SPAG16: variants seen among roughly 807,000 people sequenced by gnomAD.
The protein encoded by SPAG16 is sperm-associated antigen 16 protein.
Under a neutral mutation model 80.4 loss-of-function variants are expected in SPAG16, and 86 were observed. The ratio of observed to expected loss-of-function variants is 1.07; its 90% CI spans 0.90 to 1.28. The LOEUF (loss-of-function observed/expected upper bound fraction) is 1.28. Ranked by LOEUF, SPAG16 falls within the 50% of genes most tolerant of loss-of-function variation. The pLI is 0.00. For synonymous variants in SPAG16, 294 were observed against 265.9 expected (o/e 1.11, Z -1.03); for missense variants, 870 against 765.3 (o/e 1.14, Z -1.61).
At chr2:214,244,626 A>G (rs1689716342) in intron 15 of SPAG16, among the ~76,000 whole-genome samples, 2 of 152,090 alleles carry the variant, frequency 1.3e-5, no homozygotes, top group African/African-American at 2.4e-5. Context: ...ACTTTTTGGA[A>G]TGTAATTAAA....
chr2:213,403,874 T>C (rs1296892682), intron 9 of SPAG16, among the ~76,000 whole-genome samples: 4 of 152,096 alleles, frequency 2.6e-5, no homozygotes, highest in African/African-American at 4.8e-5. Context: ...GGATACAAAA[T>C]CAATGTACAA....
At chr2:213,731,768 A>G (rs1012161757) in intron 10 of SPAG16, among the ~76,000 whole-genome samples, 2 of 152,090 alleles carry the variant, frequency 1.3e-5, no homozygotes, top group South Asian at 2.1e-4. Context: ...AGCTCCATCC[A>G]TGTCCCTGCA....
chr2:213,447,759 C>G (rs2071421677), intron 9 of SPAG16, among the ~76,000 whole-genome samples: 2 of 152,294 alleles, frequency 1.3e-5, no homozygotes, highest in Middle Eastern at 6.8e-3. Flanking sequence ...GACGAATAAT[C>G]AAACTGTCCA....
intron 10 of SPAG16, among the ~76,000 whole-genome samples, chr2:213,597,754 T>G (rs2124955759): frequency 6.6e-6 from 1 of 152,290 alleles, no homozygotes; most frequent in Admixed American, 6.5e-5. Context: ...AAATAAAAAC[T>G]TTAAATCTTT....
At chr2:214,384,547 T>C (rs1034529848) in intron 15 of SPAG16, among the ~76,000 whole-genome samples, 1 of 152,230 alleles carries the variant, frequency 6.6e-6, no homozygotes, top group Non-Finnish European at 1.5e-5. Context: ...CCAGTATCTC[T>C]GCTTTCTTCC....
At chr2:213,480,012 C>G (rs1460586516) in intron 9 of SPAG16, among the ~76,000 whole-genome samples, 1 of 152,152 alleles carries the variant, frequency 6.6e-6, no homozygotes, top group Admixed American at 6.5e-5. Context: ...TTTCTGACCT[C>G]TGCTCTAAAT....
At chr2:213,291,543 T>G (rs2062274036) in intron 1 of SPAG16, among the ~76,000 whole-genome samples, 1 of 152,236 alleles carries the variant, frequency 6.6e-6, no homozygotes, top group African/African-American at 2.4e-5. Flanking sequence ...GTTTTGAGTC[T>G]GTAGCCTGTA....
intron 15 of SPAG16, among the ~76,000 whole-genome samples, chr2:214,169,717 T>G (rs767106542): frequency 4.6e-5 from 7 of 152,102 alleles, no homozygotes; most frequent in Non-Finnish European, 7.4e-5. Flanking sequence ...CTCACTACAC[T>G]GACTTGTTAA....
At chr2:213,701,458 G>T (rs536640093) in intron 10 of SPAG16, among the ~76,000 whole-genome samples, 1 of 152,118 alleles carries the variant, frequency 6.6e-6, no homozygotes, top group Non-Finnish European at 1.5e-5. Flanking sequence ...CTCTGGCCAC[G>T]CTTGAGGAGT....
intron 10 of SPAG16, among the ~76,000 whole-genome samples, chr2:213,562,021 G>A (rs1365744119): frequency 1.3e-5 from 2 of 152,098 alleles, no homozygotes; most frequent in African/African-American, 4.8e-5. Context: ...TCATTTAAAG[G>A]AAAATGCATG....
At chr2:214,126,803 A>G (rs757296362) in intron 14 of SPAG16, among the ~76,000 whole-genome samples, 3 of 151,816 alleles carry the variant, frequency 2.0e-5, no homozygotes, top group Admixed American at 6.7e-5. Context: ...GTTGTTAACA[A>G]TAGTAATTAA....
At chr2:213,572,786 G>T (rs1049929044) in intron 10 of SPAG16, among the ~76,000 whole-genome samples, 1 of 152,142 alleles carries the variant, frequency 6.6e-6, no homozygotes, top group Non-Finnish European at 1.5e-5. Context: ...CTTCCTGGCT[G>T]CTTTGTTTAC....
chr2:213,765,524 G>C (rs543094976), intron 10 of SPAG16, among the ~76,000 whole-genome samples: 8 of 152,236 alleles, frequency 5.3e-5, no homozygotes, highest in Admixed American at 5.2e-4. Context: ...TATATTCCCA[G>C]TTAGGGAATC....
intron 13 of SPAG16, among the ~76,000 whole-genome samples, chr2:214,082,555 G>A (rs2051452565): frequency 6.6e-6 from 1 of 151,996 alleles, no homozygotes; most frequent in African/African-American, 2.4e-5. Flanking sequence ...TCTGTCTTCA[G>A]GACAGCATGA....
chr2:213,546,835 A>G (rs2076625957), intron 10 of SPAG16, among the ~76,000 whole-genome samples: 1 of 152,162 alleles, frequency 6.6e-6, no homozygotes, highest in South Asian at 2.1e-4. Flanking sequence ...CAAGAAGTAT[A>G]TCTCTTCTCG....
rs545337173 is a variant in SPAG16 at position 213,756,831 on chromosome 2, A to T, written c.1071-105654A>T. 6.6e-5 allele frequency among the ~76,000 whole-genome samples: 10 copies of T among 152,314 alleles called. No individual in the cohort carries two copies. In the South Asian group the frequency reaches 1.9e-3, roughly 28 times the overall value. Reference sequence around the variant, plus strand: ...GAAATTAAATGATGTAATAACTGTTATATTCAGCTAATATCTCAATGATGG... The same window carrying T: ...GAAATTAAATGATGTAATAACTGTTTTATTCAGCTAATATCTCAATGATGG... On this transcript the variant is annotated intron_variant, in intron 10 of 15. Transcript: ENST00000331683.
intron 15 of SPAG16, among the ~76,000 whole-genome samples, chr2:214,161,816 C>T (rs1370499374): frequency 1.3e-5 from 2 of 152,046 alleles, no homozygotes; most frequent in African/African-American, 2.4e-5. Flanking sequence ...ACATTATGCA[C>T]ATGTACTCCA....
At chr2:214,149,856 A>C (rs1264914816) in intron 15 of SPAG16, among the ~76,000 whole-genome samples, 3 of 152,080 alleles carry the variant, frequency 2.0e-5, no homozygotes, top group Non-Finnish European at 4.4e-5. Context: ...TTGATGAGGA[A>C]TAGTGTAGCA....
At chr2:213,596,763 C>A (rs867029737) in intron 10 of SPAG16, among the ~76,000 whole-genome samples, 4 of 152,086 alleles carry the variant, frequency 2.6e-5, no homozygotes, top group Non-Finnish European at 5.9e-5. Flanking sequence ...ATTGTAGAGA[C>A]AATGTAGCTG....
Sources: allele counts gnomAD v4.1 joint callset (sites outside exome capture counted in the v4.1 genomes callset), GRCh38; gene constraint gnomAD v4.1.1; transcripts MANE v1.5; gene names NCBI Gene and HGNC (gene_info 2026-07-23, HGNC 2026-07-21).